Variants in CSMD1 observed in about 807,000 individuals in gnomAD.
CSMD1 encodes the protein CUB and sushi domain-containing protein 1.
Under a neutral mutation model 417.5 loss-of-function variants are expected in CSMD1, and 213 were observed. The observed-to-expected ratio is 0.51, with a 90% CI of 0.46 to 0.57. CSMD1 has a LOEUF of 0.57. CSMD1 is among the 20% of genes least tolerant of loss of function. The pLI is 0.00. For missense variants in CSMD1, 6,923 were observed against 4,529.7 expected (o/e 1.53, Z -15.17); for synonymous variants, 2,862 against 1,736.8 (o/e 1.65, Z -16.11).
At chr8:4,585,083 G>C (rs894411889) in intron 2 of CSMD1, among the ~76,000 whole-genome samples, 3 of 140,718 alleles carry the variant, frequency 2.1e-5, no homozygotes, top group Non-Finnish European at 3.0e-5. Flanking sequence ...AAAAGACCAA[G>C]TGATCAAAAA....
Position 4,816,521 on chromosome 8 carries a change from C to T in CSMD1, c.85+177811G>A, listed in dbSNP as rs111258575. Among the ~76,000 whole-genome samples, 1,085 of 152,208 alleles carry T rather than the reference C, an allele frequency of 7.1e-3. 9 individuals carry two copies. Among genetic ancestry groups the T allele is most frequent in the African/African-American group, 0.025 (1,048 of 41,522 alleles). On this transcript the variant is annotated intron_variant, in intron 1 of 69. Transcript: ENST00000635120. ...GGGATTACAGGTGTGAGCCACCATG[C>T]GCAGCCAAATCACGGTTTCTTTCTC...
At chr8:3,862,112 C>G in intron 5 of CSMD1, among the ~76,000 whole-genome samples, 1 of 152,060 alleles carries the variant, frequency 6.6e-6, no homozygotes, top group East Asian at 1.9e-4. Flanking sequence ...TCATTTTTTT[C>G]AACTTTTTAA....
At chr8:4,607,294 A>AG (rs1370992342) in intron 2 of CSMD1, among the ~76,000 whole-genome samples, 1 of 137,728 alleles carries the variant, frequency 7.3e-6, no homozygotes, top group Admixed American at 7.1e-5. Context: ...AATAACAAAA[A>AG]AAAATGCATT....
At chr8:3,160,426 G>C (rs145059090) in intron 38 of CSMD1, among the ~76,000 whole-genome samples, 421 of 152,154 alleles carry the variant, frequency 2.8e-3, no homozygotes, top group Non-Finnish European at 4.8e-3. Context: ...ACCGGCCTAG[G>C]ATAATTCTTT....
chr8:4,342,085 A>G (rs985772328), intron 3 of CSMD1, among the ~76,000 whole-genome samples: 1 of 152,064 alleles, frequency 6.6e-6, no homozygotes, highest in African/African-American at 2.4e-5. Flanking sequence ...AAGTAGCGCA[A>G]GCCATCTCTA....
rs17067731 is a variant in CSMD1 at position 3,850,224 on chromosome 8, C to T, written c.819-96182G>A. ...ACACTTTTCTTTATATCAAAGGCTCCAAACAAAAGAATAAAAAACCAATAG... is the reference window on the plus strand; with the variant it reads ...ACACTTTTCTTTATATCAAAGGCTCTAAACAAAAGAATAAAAAACCAATAG... On this transcript the variant is annotated intron_variant, in intron 5 of 69. Transcript: ENST00000635120. 1.8e-3 allele frequency among the ~76,000 whole-genome samples: 272 copies of T among 152,304 alleles called. 1 individual carries two copies. Among genetic ancestry groups the T allele is most frequent in the Middle Eastern group, 0.01 (3 of 294 alleles).
At chr8:4,608,700 A>G (rs912770002) in intron 2 of CSMD1, among the ~76,000 whole-genome samples, 1 of 152,204 alleles carries the variant, frequency 6.6e-6, no homozygotes, top group African/African-American at 2.4e-5. Context: ...TATGAAAATT[A>G]TCCTTCAGGC....
At chr8:3,772,490 CA>C (rs1798651270) in intron 5 of CSMD1, among the ~76,000 whole-genome samples, 1 of 10,166 alleles carries the variant, frequency 9.8e-5, no homozygotes, top group Non-Finnish European at 2.5e-4. Context: ...CATATATACA[CA>C]TATATACATA....
chr8:3,869,650 C>T (rs1805343955), intron 5 of CSMD1, among the ~76,000 whole-genome samples: 1 of 152,136 alleles, frequency 6.6e-6, no homozygotes, highest in Non-Finnish European at 1.5e-5. Context: ...GAAAGTTCTG[C>T]CTTTCTAGTT....
chr8:4,531,689 T>A (rs1796825489), intron 2 of CSMD1, among the ~76,000 whole-genome samples: 1 of 152,198 alleles, frequency 6.6e-6, no homozygotes, highest in East Asian at 1.9e-4. Flanking sequence ...TCAGCACTTC[T>A]TTTAAACATT....
intron 3 of CSMD1, among the ~76,000 whole-genome samples, chr8:4,140,639 G>C (rs556567519): frequency 6.6e-6 from 1 of 150,904 alleles, no homozygotes; most frequent in African/African-American, 2.5e-5. Flanking sequence ...CTGCACTCCA[G>C]GCTGGGCAAC....
At chr8:3,325,886 T>C (rs1806495879) in intron 23 of CSMD1, among the ~76,000 whole-genome samples, 1 of 152,084 alleles carries the variant, frequency 6.6e-6, no homozygotes. Context: ...ACAATGTGAA[T>C]CCACTATCAG....
intron 7 of CSMD1, among the ~76,000 whole-genome samples, chr8:3,704,125 C>T (rs539751514): frequency 6.6e-6 from 1 of 152,176 alleles, no homozygotes; most frequent in East Asian, 1.9e-4. Flanking sequence ...TAGAGCAGTC[C>T]TCCATCACTG....
intron 1 of CSMD1, among the ~76,000 whole-genome samples, chr8:4,814,381 G>A (rs754777965): frequency 8.5e-5 from 13 of 152,154 alleles, no homozygotes; most frequent in Non-Finnish European, 1.9e-4. Flanking sequence ...GAGTAGCTGG[G>A]ATTATAAGCA....
chr8:4,306,614 C>T (rs1489560016), intron 3 of CSMD1, among the ~76,000 whole-genome samples: 1 of 152,102 alleles, frequency 6.6e-6, no homozygotes, highest in African/African-American at 2.4e-5. Context: ...TTCTTGGCCT[C>T]TTCAATCTCA....
intron 12 of CSMD1, among the ~76,000 whole-genome samples, chr8:3,429,946 C>A (rs571193925): frequency 6.6e-6 from 1 of 152,008 alleles, no homozygotes; most frequent in Non-Finnish European, 1.5e-5. Flanking sequence ...TTGTCAATCT[C>A]GATATGTATT....
chr8:2,978,469 C>T (rs746279813), intron 55 of CSMD1, 143 bp downstream of exon 55: 3 of 656,418 alleles, frequency 4.6e-6, no homozygotes, highest in South Asian at 2.3e-5. Context: ...CGATCTACAG[C>T]TATCATAAAA....
chr8:2,965,664 G>T (rs951221772), intron 59 of CSMD1, 111 bp downstream of exon 59: 2 of 850,198 alleles, frequency 2.4e-6, no homozygotes, highest in Non-Finnish European at 3.6e-6. Flanking sequence ...TGCTGTTCAA[G>T]AATTCCTAGC....
chr8:4,452,720 C>A (rs796529091), intron 2 of CSMD1, among the ~76,000 whole-genome samples: 6 of 152,190 alleles, frequency 3.9e-5, no homozygotes, highest in African/African-American at 1.2e-4. Context: ...TTTAAATCAA[C>A]ACGGACACAG....
Sources: gnomAD v4.1 joint callset for allele counts (sites outside exome capture counted in the v4.1 genomes callset) on GRCh38, gnomAD v4.1.1 for gene constraint, MANE v1.5 for transcripts, NCBI Gene and HGNC (gene_info 2026-07-23, HGNC 2026-07-21) for gene names.